Variants in MTOR observed in about 807,000 individuals in gnomAD.
MTOR encodes mechanistic target of rapamycin kinase.
A neutral mutation model predicts 319.8 loss-of-function variants in MTOR; 70 were observed. The observed-to-expected ratio is 0.22, with a 90% CI of 0.18 to 0.27. MTOR has a LOEUF of 0.27. MTOR is among the 10% of genes least tolerant of loss of function. The pLI is 1.00. For synonymous variants in MTOR, 1,183 were observed against 1,211.4 expected, an observed-to-expected ratio of 0.98 and a Z score of 0.49; for missense variants, 1,890 against 3,274.4, an observed-to-expected ratio of 0.58 and a Z score of 10.32.
intron 28 of MTOR, among the ~76,000 whole-genome samples, chr1:11,188,640 C>T (rs1485455674): frequency 1.3e-5 from 2 of 152,162 alleles, no homozygotes; most frequent in African/African-American, 2.4e-5. Context: ...CACCTCCTTG[C>T]AAAATATCAA....
At chr1:11,256,262 T>C in intron 4 of MTOR, 70 bp from the exon 5 acceptor site, 1 of 1,545,086 alleles carries the variant, frequency 6.5e-7, no homozygotes, top group South Asian at 1.2e-5. Flanking sequence ...TACAGTCTCT[T>C]GTCATCTTAG....
intron 13 of MTOR, among the ~76,000 whole-genome samples, chr1:11,236,583 C>G (rs1162874014): frequency 6.6e-6 from 1 of 151,310 alleles, no homozygotes; most frequent in Non-Finnish European, 1.5e-5. Flanking sequence ...TCTCGGCTCA[C>G]TGCAACCTTC....
chr1:11,230,623 G>T (rs953605430), intron 18 of MTOR, among the ~76,000 whole-genome samples: 1 of 152,142 alleles, frequency 6.6e-6, no homozygotes, highest in East Asian at 1.9e-4. Flanking sequence ...GAAAGAATGA[G>T]AGATAGATAG....
At chr1:11,172,721 T>C (rs1396486436) in intron 28 of MTOR, among the ~76,000 whole-genome samples, 1 of 151,602 alleles carries the variant, frequency 6.6e-6, no homozygotes, top group Non-Finnish European at 1.5e-5. Flanking sequence ...ATACAAAAGT[T>C]AGTGGAGCGT....
intron 31 of MTOR, among the ~76,000 whole-genome samples, chr1:11,148,383 G>A (rs1463673644): frequency 6.6e-6 from 1 of 152,160 alleles, no homozygotes; most frequent in African/African-American, 2.4e-5. Flanking sequence ...TTTGGTCTTT[G>A]TCCCTAGTGC....
chr1:11,155,819 A>G (rs1644300700), intron 30 of MTOR, among the ~76,000 whole-genome samples: 2 of 152,060 alleles, frequency 1.3e-5, no homozygotes, highest in African/African-American at 4.8e-5. Context: ...TGTCTTGCTC[A>G]CGGCTGTGTC....
At chr1:11,108,994 C>CA (rs1239066080) in intron 56 of MTOR, among the ~76,000 whole-genome samples, 4 of 151,228 alleles carry the variant, frequency 2.6e-5, no homozygotes, top group Non-Finnish European at 4.4e-5. Flanking sequence ...CTCAAACAAA[C>CA]AAAAAAAAGA....
intron 25 of MTOR, among the ~76,000 whole-genome samples, chr1:11,204,985 C>T (rs1014337817): frequency 3.9e-5 from 6 of 152,126 alleles, no homozygotes; most frequent in Non-Finnish European, 7.3e-5. Context: ...TTGCCACACT[C>T]GGGTGCATTC....
chr1:11,129,871 T>C lies in MTOR; in HGVS notation c.5614-33A>G. The stretch of plus-strand genomic sequence containing the variant: ...AACACACACGTGTTAGCGACACTCT[T>C]GCCTCTGCTTTCTCATCTGTAAAAT... On this transcript the variant is annotated intron_variant, in intron 39 of 57. Transcript: ENST00000361445. This position sits in a 1 kb window ranked among gnomAD's most constrained non-coding sequence, Gnocchi z 4.7. 1.3e-6 allele frequency: 2 copies of C among 1,586,904 alleles called. No homozygotes were observed. Among genetic ancestry groups the C allele is most frequent in the Non-Finnish European group, 1.7e-6 (2 of 1,155,854 alleles).
chr1:11,222,166 T>C (rs1446186141), intron 19 of MTOR, among the ~76,000 whole-genome samples: 1 of 151,970 alleles, frequency 6.6e-6, no homozygotes, highest in Non-Finnish European at 1.5e-5. Context: ...TAGTTGATTA[T>C]ATAAAGTTCT....
intron 46 of MTOR, among the ~76,000 whole-genome samples, chr1:11,126,041 CAAAAAAAAAA>C (rs757246303): frequency 3.5e-5 from 1 of 28,326 alleles, no homozygotes; most frequent in Non-Finnish European, 7.8e-5. Flanking sequence ...AACTCTGGCT[CAAAAAAAAAA>C]AAAAAAAAAA....
At chr1:11,255,578 C>T (rs990160348) in intron 5 of MTOR, among the ~76,000 whole-genome samples, 4 of 152,024 alleles carry the variant, frequency 2.6e-5, no homozygotes, top group Admixed American at 1.3e-4. Flanking sequence ...AGGCCAGGCG[C>T]GGTAGCTCAT....
At chr1:11,208,747 T>G (rs1045089262) in intron 25 of MTOR, among the ~76,000 whole-genome samples, 4 of 152,360 alleles carry the variant, frequency 2.6e-5, no homozygotes, top group Middle Eastern at 3.4e-3. Context: ...GCTGGTCATA[T>G]CTTAGGCTTT....
chr1:11,197,956 C>T (rs1013426505), intron 28 of MTOR, among the ~76,000 whole-genome samples: 2 of 152,126 alleles, frequency 1.3e-5, no homozygotes, highest in African/African-American at 4.8e-5. Flanking sequence ...TTTTCCAGGC[C>T]TCTGACTATA....
In MTOR at chr1:11,201,545, T is replaced by A. The variant is rs577380287; in HGVS notation, c.3945-1842A>T. On this transcript the variant is annotated intron_variant, in intron 26 of 57. Coordinates refer to ENST00000361445, the MANE Select transcript of MTOR (RefSeq NM_004958.4). ...TGCCTTGCTTTCTGCTTCTTGCCAATGCGAAGGGCTGCTTATTAATTAAAT... is the reference window on the plus strand; with the variant it reads ...TGCCTTGCTTTCTGCTTCTTGCCAAAGCGAAGGGCTGCTTATTAATTAAAT... Among the ~76,000 whole-genome samples the A allele has an allele frequency of 5.5e-4, 84 of 152,294 alleles. 1 individual carries two copies. The highest frequency in any genetic ancestry group is 1.9e-3 in the African/African-American group (81 of 41,562).
At chr1:11,230,895 G>A in intron 18 of MTOR, 30 bp downstream of exon 18, 1 of 1,612,810 alleles carries the variant, frequency 6.2e-7, no homozygotes, top group Non-Finnish European at 8.5e-7. Context: ...TGAGAACTTG[G>A]CAAGTCTTTC....
At chr1:11,120,050 T>TA (rs551587736) in intron 49 of MTOR, among the ~76,000 whole-genome samples, 6,995 of 124,230 alleles carry the variant, frequency 0.056, 247 homozygotes, top group South Asian at 0.13. Flanking sequence ...ACTTTGTCTC[T>TA]AAAAAAAAAA....
chr1:11,114,969 G>C, intron 51 of MTOR, 82 bp from the exon 52 acceptor site: 1 of 1,125,990 alleles, frequency 8.9e-7, no homozygotes, highest in East Asian at 2.4e-5. Flanking sequence ...GCTTTCCTCT[G>C]CATCACCTGC....
rs754616311 is a variant in MTOR at position 11,112,844 on chromosome 1, G to A, written c.7366+8C>T. On this transcript the variant is annotated splice_region_variant and intron_variant, in intron 54 of 57. Transcript: ENST00000361445. ...AGAGCCTTTGCGACCTCCCGTGGAT[G>A]CACCTACCGACTGACTGGCCAGCAG... 2 of 1,614,148 alleles carry A rather than the reference G, an allele frequency of 1.2e-6. No individual in the cohort carries two copies. Among genetic ancestry groups the A allele is most frequent in the Admixed American group, 1.7e-5 (1 of 60,006 alleles).
Sources: allele counts gnomAD v4.1 joint callset (sites outside exome capture counted in the v4.1 genomes callset), GRCh38; gene constraint gnomAD v4.1.1; non-coding constraint Gnocchi (gnomAD v3.1); transcripts MANE v1.5; gene names NCBI Gene and HGNC (gene_info 2026-07-23, HGNC 2026-07-21).